RGL2: variants seen among roughly 807,000 people sequenced by gnomAD.
RGL2 encodes ral guanine nucleotide dissociation stimulator like 2.
A neutral mutation model predicts 84.6 loss-of-function variants in RGL2; 40 were observed. The observed-to-expected ratio is 0.47, with a 90% CI of 0.37 to 0.62. The LOEUF (loss-of-function observed/expected upper bound fraction) is 0.62. Ranked by LOEUF, RGL2 falls within the 20% of genes least tolerant of loss-of-function variation. RGL2 has a pLI of 0.00. For synonymous variants in RGL2, 369 were observed against 417.3 expected (o/e 0.88, Z 1.41); for missense variants, 865 against 1,019.7 (o/e 0.85, Z 2.07).
Position 33,298,808 on chromosome 6 carries a change from G to C in RGL2, c.-42+62C>G. 2 of 464,060 alleles carry C rather than the reference G, an allele frequency of 4.3e-6. No individual in the cohort carries two copies. The highest frequency in any genetic ancestry group is 2.0e-5 in the African/African-American group (1 of 48,834). 28.7% of individuals were successfully genotyped at this position (464,060 alleles called of 1,614,324 possible). On this transcript the variant is annotated intron_variant, in intron 1 of 17. Coordinates refer to ENST00000497454, the MANE Select transcript of RGL2 (RefSeq NM_004761.5). This position sits in a 1 kb window ranked among gnomAD's most constrained non-coding sequence, Gnocchi z 4.8. Reference sequence around the variant, plus strand: ...AGAAGGGTGGAATAGGGGGGCCCTTGGTGCTGTTGGGGAAGGAGGAGGTCA... The same window carrying C: ...AGAAGGGTGGAATAGGGGGGCCCTTCGTGCTGTTGGGGAAGGAGGAGGTCA...
In RGL2 at chr6:33,297,334, G is replaced by A. The variant is rs567652090; in HGVS notation, c.157-219C>T. The stretch of plus-strand genomic sequence containing the variant: ...CCAGCCGCCTCAGGGCCCCGGTGGA[G>A]TCGAAGGGGCTGCAGTGGAGGCGTG... On this transcript the variant is annotated intron_variant, in intron 2 of 17. Transcript: ENST00000497454. The surrounding 1 kb of genome is among the most constrained non-coding windows in gnomAD (Gnocchi z 4.0). The A allele has an allele frequency of 2.0e-6, 1 of 510,202 alleles. No individual in the cohort carries two copies. Among genetic ancestry groups the A allele is most frequent in the African/African-American group, 1.9e-5 (1 of 52,468 alleles). 31.6% of individuals were successfully genotyped at this position (510,202 alleles called of 1,614,324 possible).
rs1168164305 is a variant in RGL2 at position 33,291,780 on chromosome 6, G to A, written c.*322C>T. 1 of 525,356 alleles carries A rather than the reference G, an allele frequency of 1.9e-6. No homozygotes were observed. Among genetic ancestry groups the A allele is most frequent in the Non-Finnish European group, 3.4e-6 (1 of 295,184 alleles). The allele number at this position is 525,356 out of a possible 1,614,324, so 32.5% of individuals were successfully genotyped here. On this transcript the variant is annotated 3_prime_UTR_variant, in exon 18 of 18. Transcript: ENST00000497454. ...ATTCCCCTCTGCCCTGGGGCTCAGA[G>A]CCTTGAAGCCTTTGCTTGGCCCTTG...
At position 33,296,909 on chromosome 6, in the gene RGL2, A is replaced by C; in HGVS notation, c.240+123T>G. On this transcript the variant is annotated intron_variant, in intron 3 of 17. Transcript: ENST00000497454. This position sits in a 1 kb window ranked among gnomAD's most constrained non-coding sequence, Gnocchi z 5.0. ...TCAGAGAGGGCAAGAGTCTTGGCCT[A>C]TGTCACACAGCAGAGTCCAGGACTC... is the stretch of plus-strand genomic sequence containing the variant. The C allele has an allele frequency of 6.8e-7, 1 of 1,473,458 alleles. No individual in the cohort carries two copies. Among genetic ancestry groups the C allele is most frequent in the Non-Finnish European group, 9.5e-7 (1 of 1,053,388 alleles). 91.3% of individuals were successfully genotyped at this position (1,473,458 alleles called of 1,614,324 possible).
Position 33,293,692 on chromosome 6 carries a change from C to A in RGL2, c.1516G>T (p.Val506Leu), listed in dbSNP as rs745688495. 1.2e-6 allele frequency: 2 copies of A among 1,614,092 alleles called. No individual in the cohort carries two copies. Among genetic ancestry groups the A allele is most frequent in the Non-Finnish European group, 1.7e-6 (2 of 1,179,966 alleles). The change falls in exon 14 of 18, where the codon GTA becomes TTA. Residue 506 changes from valine to leucine, a missense_variant. Coordinates refer to ENST00000497454, the MANE Select transcript of RGL2 (RefSeq NM_004761.5). The surrounding 1 kb of genome is among the most constrained non-coding windows in gnomAD (Gnocchi z 7.0). ...CCAGGTGGCTCCACCTCACAGGATA[C>A]ACGATGGCTGGGTTAGGGGGGCAAT... The part of the protein sequence containing the change: ...RPLTEAQSHR[V>L]SCEVEPPGSS...
Position 33,294,843 on chromosome 6 carries a change from C to A in RGL2, c.1279-81G>T. 5 of 1,520,302 alleles carry A rather than the reference C, an allele frequency of 3.3e-6. No individual in the cohort carries two copies. In the South Asian group the frequency reaches 4.7e-5, roughly 14 times the overall value. The allele number at this position is 1,520,302 out of a possible 1,614,324, so 94.2% of individuals were successfully genotyped here. On this transcript the variant is annotated intron_variant, in intron 10 of 17. Coordinates refer to ENST00000497454, the MANE Select transcript of RGL2 (RefSeq NM_004761.5). The surrounding 1 kb of genome is among the most constrained non-coding windows in gnomAD (Gnocchi z 5.0). ...CCCTCCGCACTTGCCCTCCTCATTG[C>A]CTCAGAGAACAGATTTCATTCTCCT...
chr6:33,291,977 G>T lies in RGL2; in HGVS notation c.*125C>A. The T allele has an allele frequency of 9.8e-7, 1 of 1,024,060 alleles. No homozygotes were observed. The highest frequency in any genetic ancestry group is 1.5e-6 in the Non-Finnish European group (1 of 681,876). The allele number at this position is 1,024,060 out of a possible 1,614,324, so 63.4% of individuals were successfully genotyped here. ...TCTGGTAAACCAGTGGCACTTCACT[G>T]CCCCAGGGTGGCTGGCTCCCTTTCT... On this transcript the variant is annotated 3_prime_UTR_variant, in exon 18 of 18. Transcript: ENST00000497454.
rs766190483 is a variant in RGL2 at position 33,295,191 on chromosome 6, G to T, written c.1145C>A (p.Ser382Tyr). The T allele has an allele frequency of 5.6e-6, 9 of 1,604,810 alleles. No homozygotes were observed. The highest frequency in any genetic ancestry group is 6.8e-6 in the Non-Finnish European group (8 of 1,175,380). ...CTCGGAGAAAATCTGGCAGAGGCTG[G>T]AAAAGACTCTGAGGCTGTCCCTGGG... ...EATRDSLRVF[S>Y]SLCQIFSEED... is the part of the protein sequence containing the mutation. The change falls in exon 9 of 18, where the codon TCC becomes TAC. Residue 382 changes from serine to tyrosine, a missense_variant. Physicochemically the swap from Ser to Tyr is moderately radical, Grantham distance 144 (BLOSUM62 -2). Transcript: ENST00000497454. This position sits in a 1 kb window ranked among gnomAD's most constrained non-coding sequence, Gnocchi z 7.2.
chr6:33,299,514 G>C (rs1258524605), upstream of RGL2, among the ~76,000 whole-genome samples: 2 of 152,102 alleles, frequency 1.3e-5, no homozygotes, highest in African/African-American at 4.8e-5. This position sits in a 1 kb window ranked among gnomAD's most constrained non-coding sequence, Gnocchi z 5.0. Context: ...ATCCCCGTCG[G>C]CTCGGTGTAT....
chr6:33,291,822 C>T lies in RGL2; in HGVS notation c.*280G>A, dbSNP rs1040723740. ...TGGCCCTTGCATGTTAGGATATGGCCAAGAATCAGAAACTGATGCGTTTTT... is the reference window on the plus strand; with the variant it reads ...TGGCCCTTGCATGTTAGGATATGGCTAAGAATCAGAAACTGATGCGTTTTT... On this transcript the variant is annotated 3_prime_UTR_variant, in exon 18 of 18. Transcript: ENST00000497454. The T allele has an allele frequency of 1.0e-5, 6 of 578,920 alleles. No individual in the cohort carries two copies. Among genetic ancestry groups the T allele is most frequent in the African/African-American group, 3.7e-5 (2 of 53,336 alleles). The allele number at this position is 578,920 out of a possible 1,614,324, so 35.9% of individuals were successfully genotyped here.
Position 33,294,943 on chromosome 6 carries a change from C to T in RGL2, c.1278+34G>A. On this transcript the variant is annotated intron_variant, in intron 10 of 17. Transcript: ENST00000497454. The surrounding 1 kb of genome is among the most constrained non-coding windows in gnomAD (Gnocchi z 5.0). ...ATACTCCTCACCCCTTCATAATCAC[C>T]ACCCCCACGCCCACCACCCCGCTAG... 4 of 1,550,496 alleles carry T rather than the reference C, an allele frequency of 2.6e-6. No homozygotes were observed. The South Asian group carries it at 3.6e-5, about 14-fold the overall frequency.
chr6:33,292,526 C>G lies in RGL2; in HGVS notation c.2026G>C (p.Ala676Pro). 1.9e-6 allele frequency: 3 copies of G among 1,614,098 alleles called. No homozygotes were observed. Among genetic ancestry groups the G allele is most frequent in the Non-Finnish European group, 1.7e-6 (2 of 1,179,952 alleles). The change falls in exon 17 of 18, where the codon GCT becomes CCT. Residue 676 changes from alanine to proline, a missense_variant. Ala to Pro is a conservative substitution (Grantham distance 27). Transcript: ENST00000497454. ...AGGACACGACTGATGACACTTGGAGCCTTGTCCTGGCTTGTCACCTGGCAG... is the reference window on the plus strand; with the variant it reads ...AGGACACGACTGATGACACTTGGAGGCTTGTCCTGGCTTGTCACCTGGCAG... ...KSILVTSQDKAPSVISRVLKK... is the reference protein window; with the variant it reads ...KSILVTSQDKPPSVISRVLKK...
rs779506535 is a variant in RGL2 at position 33,292,326 on chromosome 6, G to A, written c.2123-13C>T. 4 of 1,612,578 alleles carry A rather than the reference G, an allele frequency of 2.5e-6. No individual in the cohort carries two copies. The Admixed American group carries it at 6.7e-5, about 27-fold the overall frequency. On this transcript the variant is annotated splice_polypyrimidine_tract_variant and intron_variant, in intron 17 of 17. Transcript: ENST00000497454. ...GGGATAGTCAGCTCTGAAGGTTCAG[G>A]GGATGGATGTAAAGCACACACACAG...
intron 17 of RGL2, 56 bp downstream of exon 17, chr6:33,292,374 G>C: frequency 1.2e-6 from 2 of 1,608,310 alleles, no homozygotes. Context: ...CAGCCGCCCA[G>C]ATGTGGAAGT....
rs1237189019 is a variant in RGL2, at chr6:33,296,146, G to A, written c.650C>T (p.Pro217Leu). The A allele has an allele frequency of 3.1e-6, 5 of 1,613,968 alleles. No homozygotes were observed. Among genetic ancestry groups the A allele is most frequent in the Non-Finnish European group, 4.2e-6 (5 of 1,179,996 alleles). Residue 217 changes from proline to leucine, a missense_variant, in exon 6 of 18, where the codon CCC becomes CTC. By Grantham distance (98) the Pro-to-Leu change is moderately conservative. Transcript: ENST00000497454. The surrounding 1 kb of genome is among the most constrained non-coding windows in gnomAD (Gnocchi z 5.0). ...LIRNLRSRVDPQAPDLPKPLA... is the reference protein window; with the variant it reads ...LIRNLRSRVDLQAPDLPKPLA... The stretch of plus-strand genomic sequence containing the variant: ...GGGCTTAGGAAGGTCGGGGGCCTGG[G>A]GGTCCACCCGGGACCGGAGATTGCG...
At chr6:33,292,966 T>A in intron 16 of RGL2, 50 bp downstream of exon 16, 1 of 1,609,178 alleles carries the variant, frequency 6.2e-7, no homozygotes, top group South Asian at 1.1e-5. Context: ...ACATTTATAG[T>A]CCAACAAGAC....
Position 33,294,944 on chromosome 6 carries a change from AC to A in RGL2, c.1278+32del. The stretch of plus-strand genomic sequence containing the variant: ...TACTCCTCACCCCTTCATAATCACC[AC>A]CCCCACGCCCACCACCCCGCTAGTC... On this transcript the variant is annotated intron_variant, in intron 10 of 17. Transcript: ENST00000497454. The surrounding 1 kb of genome is among the most constrained non-coding windows in gnomAD (Gnocchi z 5.0). 1 of 1,545,524 alleles carries A rather than the reference AC, an allele frequency of 6.5e-7. No homozygotes were observed. Among genetic ancestry groups the A allele is most frequent in the Non-Finnish European group, 8.7e-7 (1 of 1,145,178 alleles).
chr6:33,296,175 G>A lies in RGL2; in HGVS notation c.621C>T (p.Leu207=). The A allele has an allele frequency of 6.2e-7, 1 of 1,613,968 alleles. No individual in the cohort carries two copies. The highest frequency in any genetic ancestry group is 8.5e-7 in the Non-Finnish European group (1 of 1,179,952). Residue 207 remains leucine, a synonymous_variant, in exon 6 of 18, where the codon CTC becomes CTT. Transcript: ENST00000497454. The surrounding 1 kb of genome is among the most constrained non-coding windows in gnomAD (Gnocchi z 5.0). ...GKGVGGGSAD[L]IRNLRSRVDP... ...CCACCCGGGACCGGAGATTGCGGAT[G>A]AGGTCAGCGCTGCCCCCCCCAACAC...
At position 33,292,138 on chromosome 6, in the gene RGL2, C is replaced by T; in HGVS notation, c.2298G>A (p.Lys766=). 6.2e-7 allele frequency: 1 copy of T among 1,614,196 alleles called. No homozygotes were observed. The highest frequency in any genetic ancestry group is 8.5e-7 in the Non-Finnish European group (1 of 1,180,026). The change falls in exon 18 of 18, where the codon AAG becomes AAA. Residue 766 remains lysine (K), a synonymous_variant. Coordinates refer to ENST00000497454, the MANE Select transcript of RGL2 (RefSeq NM_004761.5). ...CCCGTGCAATCTTCCTCCCTGTGGCCTTGATCCTGGGAAAGGAGCCCCCTC... is the reference window on the plus strand; with the variant it reads ...CCCGTGCAATCTTCCTCCCTGTGGCTTTGATCCTGGGAAAGGAGCCCCCTC... The part of the protein sequence containing the change: ...EGGGGSFPRI[K]ATGRKIARAL...
chr6:33,293,382 C>T lies in RGL2; in HGVS notation c.1716+31G>A, dbSNP rs201399412. Reference sequence around the variant, plus strand: ...GAAACATTTACAGAGTGAGGGTCAGCGTCAAGGTCAGAGTCAGGAGCAGAG... The same window carrying T: ...GAAACATTTACAGAGTGAGGGTCAGTGTCAAGGTCAGAGTCAGGAGCAGAG... On this transcript the variant is annotated intron_variant, in intron 15 of 17. Coordinates refer to ENST00000497454, the MANE Select transcript of RGL2 (RefSeq NM_004761.5). The surrounding 1 kb of genome is among the most constrained non-coding windows in gnomAD (Gnocchi z 7.0). 39 of 1,603,150 alleles carry T rather than the reference C, an allele frequency of 2.4e-5. No homozygotes were observed. The highest frequency in any genetic ancestry group is 1.5e-4 in the South Asian group (13 of 89,508).
Sources: gnomAD v4.1 joint callset for allele counts (sites outside exome capture counted in the v4.1 genomes callset) on GRCh38, gnomAD v4.1.1 for gene constraint, Gnocchi (gnomAD v3.1) non-coding constraint, MANE v1.5 for transcripts, NCBI Gene and HGNC (gene_info 2026-07-23, HGNC 2026-07-21) for gene names.